SRGAP3: variants seen among roughly 807,000 people sequenced by gnomAD.
The protein encoded by SRGAP3 is SLIT-ROBO Rho GTPase-activating protein 3.
A neutral mutation model predicts 121.1 loss-of-function variants in SRGAP3; 39 were observed. The observed-to-expected ratio is 0.32, with a 90% CI of 0.25 to 0.42. The LOEUF (loss-of-function observed/expected upper bound fraction) is 0.42. SRGAP3 is among the 10% of genes least tolerant of loss of function. The pLI, the probability that SRGAP3 is intolerant of heterozygous loss-of-function variation, is 1.00. For missense variants in SRGAP3, 1,213 were observed against 1,470.6 expected, an observed-to-expected ratio of 0.82 and a Z score of 2.86; for synonymous variants, 601 against 570.0, an observed-to-expected ratio of 1.05 and a Z score of -0.77.
chr3:9,154,634 T>C (rs533246158), intron 1 of SRGAP3, among the ~76,000 whole-genome samples: 2 of 152,304 alleles, frequency 1.3e-5, no homozygotes, highest in African/African-American at 4.8e-5. Context: ...CCAAGGAACA[T>C]GAAGTATCAC....
intron 18 of SRGAP3, among the ~76,000 whole-genome samples, chr3:8,997,006 A>G (rs1481442257): frequency 6.6e-6 from 1 of 152,140 alleles, no homozygotes; most frequent in East Asian, 1.9e-4. Context: ...GGAGCAGACA[A>G]TGTGAGGGAA....
intron 4 of SRGAP3, among the ~76,000 whole-genome samples, chr3:9,077,452 A>C (rs779296668): frequency 1.3e-5 from 2 of 152,128 alleles, no homozygotes; most frequent in Non-Finnish European, 2.9e-5. Context: ...TGAGTTTCTG[A>C]GTAACTACTG....
rs6762315 is a variant in SRGAP3, at chr3:9,189,491, A to C, written c.67+59394T>G. On this transcript the variant is annotated intron_variant, in intron 1 of 21. Coordinates refer to ENST00000383836, the MANE Select transcript of SRGAP3 (RefSeq NM_014850.4). ...TGGACTCCTCCAATCCCTTTATTCA[A>C]GATCATAGATTATTAGATCAATACA... 4.7e-3 allele frequency among the ~76,000 whole-genome samples: 720 copies of C among 152,290 alleles called. 4 individuals are homozygous for C. Among genetic ancestry groups the C allele is most frequent in the African/African-American group, 0.017 (688 of 41,552 alleles).
At chr3:9,251,345 C>T (rs1429119861), upstream of SRGAP3, among the ~76,000 whole-genome samples, 1 of 152,200 alleles carries the variant, frequency 6.6e-6, no homozygotes, top group East Asian at 1.9e-4. Context: ...TGCCATCACC[C>T]CACTGCCTCA....
intron 3 of SRGAP3, among the ~76,000 whole-genome samples, chr3:9,279,247 A>G (rs1423455422): frequency 1.3e-5 from 2 of 152,166 alleles, no homozygotes; most frequent in Non-Finnish European, 2.9e-5. Context: ...GTCATCGAAG[A>G]GGGGTGGGAT....
At chr3:9,202,847 C>G (rs1345021251) in intron 1 of SRGAP3, among the ~76,000 whole-genome samples, 1 of 152,244 alleles carries the variant, frequency 6.6e-6, no homozygotes, top group Non-Finnish European at 1.5e-5. Flanking sequence ...CCAGCGGAGC[C>G]CCTCTCCAGA....
rs538254656 is a variant in SRGAP3, at chr3:9,120,983, C to T, written c.260+3742G>A. ...GAATGGCTGGGGCCTTAGGGAGACA[C>T]GGCCCATGGAGCACAAGGAGGAGCA... On this transcript the variant is annotated intron_variant, in intron 2 of 21. Transcript: ENST00000383836. Among the ~76,000 whole-genome samples, 14 of 152,220 alleles carry T rather than the reference C, an allele frequency of 9.2e-5. No homozygotes were observed. The South Asian group carries it at 1.2e-3, about 14-fold the overall frequency.
chr3:9,350,548 G>A (rs1039257413), intron 1 of SRGAP3, among the ~76,000 whole-genome samples: 1 of 152,210 alleles, frequency 6.6e-6, no homozygotes, highest in Non-Finnish European at 1.5e-5. Flanking sequence ...AGTACAATGG[G>A]TTTAGTGAAA....
Position 8,985,913 on chromosome 3 carries a change from C to T in SRGAP3, c.2906G>A (p.Ser969Asn), listed in dbSNP as rs1236368499. 1 of 1,599,638 alleles carries T rather than the reference C, an allele frequency of 6.3e-7. No homozygotes were observed. Among genetic ancestry groups the T allele is most frequent in the African/African-American group, 1.3e-5 (1 of 74,966 alleles). Residue 969 changes from serine (S) to asparagine (N), a missense_variant, in exon 22 of 22, where the codon AGC (serine) becomes AAC (asparagine). By Grantham distance (46) the Ser-to-Asn change is conservative. Transcript: ENST00000383836. This position sits in a 1 kb window ranked among gnomAD's most constrained non-coding sequence, Gnocchi z 5.1. ...TTCCCGCAACTCGTGCAGAGCCGTG[C>T]TCATGGTCTTCTCGATGTCCTGGGG... is the stretch of plus-strand genomic sequence containing the variant. ...ALAEDIEKTM[S>N]TALHELRELE...
chr3:9,217,629 C>T (rs1312152577), intron 1 of SRGAP3: 2 of 152,192 alleles, frequency 1.3e-5, no homozygotes, highest in African/African-American at 2.4e-5. Context: ...CCACACCACA[C>T]GCAGGAAATG....
intron 5 of SRGAP3, among the ~76,000 whole-genome samples, chr3:9,063,446 T>C (rs1946274817): frequency 6.6e-6 from 1 of 151,778 alleles, no homozygotes; most frequent in African/African-American, 2.4e-5. Flanking sequence ...TCTTTTCATG[T>C]ACTTATTGGC....
chr3:9,215,724 G>A lies in SRGAP3; in HGVS notation c.67+33161C>T, dbSNP rs1952596748. On this transcript the variant is annotated intron_variant, in intron 1 of 21. Coordinates refer to ENST00000383836, the MANE Select transcript of SRGAP3 (RefSeq NM_014850.4). ...CTTCTCTCTCTTTCCTGGAGCTGGG[G>A]CATCCTTCTTCTCCTGCCCTTAGAC... is the stretch of plus-strand genomic sequence containing the variant. Among the ~76,000 whole-genome samples, 3 of 152,202 alleles carry A rather than the reference G, an allele frequency of 2.0e-5. No individual in the cohort carries two copies. In the South Asian group the frequency reaches 6.2e-4, roughly 32 times the overall value.
At chr3:9,070,648 T>A (rs942636221) in intron 4 of SRGAP3, among the ~76,000 whole-genome samples, 1 of 151,736 alleles carries the variant, frequency 6.6e-6, no homozygotes, top group Non-Finnish European at 1.5e-5. Context: ...GATGGGTAGA[T>A]AGATGGGAGA....
At position 9,118,691 on chromosome 3, in the gene SRGAP3, GCC is replaced by G. The variant is rs59590687; in HGVS notation, c.260+6032_260+6033del. Among the ~76,000 whole-genome samples the G allele has an allele frequency of 3.4e-4, 50 of 149,108 alleles. No individual in the cohort carries two copies. The South Asian group carries it at 6.9e-3, about 20-fold the overall frequency. Reference sequence around the variant, plus strand: ...GGGCTTGTTAAATGCAGATTGCCAGGCCCCCCCCCCAAGAAGTTCTGATCCAG... The same window carrying G: ...GGGCTTGTTAAATGCAGATTGCCAGGCCCCCCCCAAGAAGTTCTGATCCAG... On this transcript the variant is annotated intron_variant, in intron 2 of 21. Transcript: ENST00000383836.
chr3:8,982,746 G>T lies in SRGAP3; in HGVS notation c.*2773C>A. 1 of 216,738 alleles carries T rather than the reference G, an allele frequency of 4.6e-6. No individual in the cohort carries two copies. The highest frequency in any genetic ancestry group is 1.9e-4 in the South Asian group (1 of 5,350). The allele number at this position is 216,738 out of a possible 1,614,324, so 13.4% of individuals were successfully genotyped here. A position where few individuals can be genotyped will look rare whatever the true frequency, so the allele number is the denominator to read the frequency against. On this transcript the variant is annotated 3_prime_UTR_variant, in exon 22 of 22. Coordinates refer to ENST00000383836, the MANE Select transcript of SRGAP3 (RefSeq NM_014850.4). ...GAAAGTATTTTTCCACTTGGCCTGCGTCAAGGCTCAGATCTGGGGCTGGAT... is the reference window on the plus strand; with the variant it reads ...GAAAGTATTTTTCCACTTGGCCTGCTTCAAGGCTCAGATCTGGGGCTGGAT...
intron 1 of SRGAP3, among the ~76,000 whole-genome samples, chr3:9,204,754 C>T (rs1334445672): frequency 1.3e-5 from 2 of 152,182 alleles, no homozygotes; most frequent in East Asian, 1.9e-4. Context: ...CAATCACAGG[C>T]CCTCCCTACC....
intron 1 of SRGAP3, among the ~76,000 whole-genome samples, chr3:9,163,986 CTTTTTTTTT>C (rs767652463): frequency 3.6e-5 from 3 of 83,322 alleles, no homozygotes; most frequent in African/African-American, 5.0e-5. Context: ...AACTACTATT[CTTTTTTTTT>C]TTTTTTTTTT....
intron 3 of SRGAP3, among the ~76,000 whole-genome samples, chr3:9,310,794 T>C (rs2125278224): frequency 6.6e-6 from 1 of 152,282 alleles, no homozygotes; most frequent in South Asian, 2.1e-4. Flanking sequence ...AACTTTTCAA[T>C]TATAGAAGGT....
intron 1 of SRGAP3, among the ~76,000 whole-genome samples, chr3:9,220,023 G>A (rs1301364400): frequency 6.6e-6 from 1 of 152,158 alleles, no homozygotes; most frequent in Non-Finnish European, 1.5e-5. Context: ...CATTACCAGA[G>A]GCTGGGAAGG....
Sources: allele counts gnomAD v4.1 joint callset (sites outside exome capture counted in the v4.1 genomes callset), GRCh38; gene constraint gnomAD v4.1.1; non-coding constraint Gnocchi (gnomAD v3.1); transcripts MANE v1.5; gene names NCBI Gene and HGNC (gene_info 2026-07-23, HGNC 2026-07-21).